Variants in EIF3L observed in about 807,000 individuals in gnomAD.
EIF3L encodes the protein eIEF associated protein HSPC021.
EIF3L carries 32 observed loss-of-function variants against 74.6 expected under a neutral mutation model. The ratio of observed to expected loss-of-function variants is 0.43; its 90% CI spans 0.32 to 0.58. EIF3L has a LOEUF of 0.58. EIF3L is among the 20% of genes least tolerant of loss of function. The pLI, the probability that EIF3L is intolerant of heterozygous loss-of-function variation, is 0.06. For missense variants in EIF3L, 474 were observed against 707.8 expected, an observed-to-expected ratio of 0.67 and a Z score of 3.75; for synonymous variants, 256 against 254.4, an observed-to-expected ratio of 1.01 and a Z score of -0.06.
intron 8 of EIF3L, among the ~76,000 whole-genome samples, chr22:37,872,673 C>T (rs535785935): frequency 2.8e-4 from 42 of 152,204 alleles, no homozygotes; most frequent in African/African-American, 9.1e-4. Flanking sequence ...GGCTGAAGTG[C>T]GGTGGCACAA....
At chr22:37,878,631 T>C (rs921814763) in intron 11 of EIF3L, 4 of 155,144 alleles carry the variant, frequency 2.6e-5, no homozygotes, top group African/African-American at 9.7e-5. Flanking sequence ...GCCCAGCTAA[T>C]TTTGTATTTT....
chr22:37,856,286 A>T (rs1228132571), intron 4 of EIF3L, among the ~76,000 whole-genome samples: 1 of 152,058 alleles, frequency 6.6e-6, no homozygotes, highest in Non-Finnish European at 1.5e-5. Flanking sequence ...CGTGTTGGCC[A>T]GGCTGGTCTC....
At chr22:37,864,191 C>T (rs920752417) in intron 7 of EIF3L, among the ~76,000 whole-genome samples, 11 of 152,174 alleles carry the variant, frequency 7.2e-5, no homozygotes, top group Non-Finnish European at 1.0e-4. Flanking sequence ...TGAGTAGCTG[C>T]CACTACAAGG....
chr22:37,873,541 C>T (rs762342031), intron 8 of EIF3L, among the ~76,000 whole-genome samples: 15 of 152,160 alleles, frequency 9.9e-5, no homozygotes, highest in Non-Finnish European at 1.6e-4. Context: ...GATCTGCCCA[C>T]CTCAGCCTCC....
chr22:37,854,768 G>GT lies in EIF3L; in HGVS notation c.294-794dup, dbSNP rs1441087388. On this transcript the variant is annotated intron_variant, in intron 3 of 12. Transcript: ENST00000652021. The stretch of plus-strand genomic sequence containing the variant: ...GGGTGTGAGCCAGCGCGCCTGGCCT[G>GT]TTTCAGTGTTTCTTTTCTGTTCTGT... Among the ~76,000 whole-genome samples, 3 of 152,212 alleles carry GT rather than the reference G, an allele frequency of 2.0e-5. No homozygotes were observed. In the East Asian group the frequency reaches 5.8e-4, roughly 29 times the overall value.
intron 7 of EIF3L, among the ~76,000 whole-genome samples, chr22:37,866,373 C>G (rs1306950052): frequency 6.6e-6 from 1 of 152,144 alleles, no homozygotes; most frequent in Non-Finnish European, 1.5e-5. Flanking sequence ...CAGTGAATAT[C>G]CATATATATG....
Position 37,877,655 on chromosome 22 carries a change from C to A in EIF3L, c.1078-19C>A. On this transcript the variant is annotated intron_variant, in intron 10 of 12. Coordinates refer to ENST00000652021, the MANE Select transcript of EIF3L (RefSeq NM_016091.4). ...GTCCGTCTCATTTGACCCAGTACCA[C>A]TCTCCACCCCATCCCCAGATTAACA... The A allele has an allele frequency of 6.3e-7, 1 of 1,578,340 alleles. No individual in the cohort carries two copies.
chr22:37,852,073 G>A (rs190130886), intron 3 of EIF3L, among the ~76,000 whole-genome samples: 5 of 152,286 alleles, frequency 3.3e-5, no homozygotes, highest in Non-Finnish European at 2.9e-5. Context: ...CAGAGTGCTA[G>A]GATTACAAGC....
Position 37,855,555 on chromosome 22 carries a change from T to C in EIF3L, c.294-10T>C. Reference sequence around the variant, plus strand: ...TTTGGAATTTTAGAGATTTTTTTCTTGATTTTTAGCTGGACCAAGCTGACT... The same window carrying C: ...TTTGGAATTTTAGAGATTTTTTTCTCGATTTTTAGCTGGACCAAGCTGACT... On this transcript the variant is annotated splice_polypyrimidine_tract_variant and intron_variant, in intron 3 of 12. Transcript: ENST00000652021. 6.2e-7 allele frequency: 1 copy of C among 1,613,718 alleles called. No homozygotes were observed. The highest frequency in any genetic ancestry group is 8.5e-7 in the Non-Finnish European group (1 of 1,179,672).
At chr22:37,873,489 G>C (rs553506841) in intron 8 of EIF3L, among the ~76,000 whole-genome samples, 1 of 151,902 alleles carries the variant, frequency 6.6e-6, no homozygotes, top group Admixed American at 6.6e-5. Context: ...AGTAGAGACG[G>C]GGTTTCACCT....
At chr22:37,858,270 C>T (rs974005571) in intron 4 of EIF3L, among the ~76,000 whole-genome samples, 1 of 132,122 alleles carries the variant, frequency 7.6e-6, no homozygotes, top group African/African-American at 2.9e-5. Flanking sequence ...CTGTGTTGCC[C>T]ATGCTGGAGT....
chr22:37,859,389 T>TTTTTTTTTTC (rs1925726529), intron 5 of EIF3L, among the ~76,000 whole-genome samples: 1 of 136,700 alleles, frequency 7.3e-6, no homozygotes, highest in Admixed American at 7.4e-5. Context: ...TTTTTTTTTT[T>TTTTTTTTTTC]TTTTTTGAGA....
At chr22:37,869,648 C>T (rs73413934) in intron 7 of EIF3L, among the ~76,000 whole-genome samples, 2,713 of 152,178 alleles carry the variant, frequency 0.018, 75 homozygotes, top group African/African-American at 0.058. Context: ...TCTCTGTGTT[C>T]GTTGTGCTTG....
chr22:37,878,217 A>G (rs1379118716), intron 11 of EIF3L, 46 bp downstream of exon 11: 7 of 1,535,500 alleles, frequency 4.6e-6, no homozygotes, highest in Non-Finnish European at 6.1e-6. Context: ...AGTGTTCAGT[A>G]TCTTTCATTC....
intron 4 of EIF3L, among the ~76,000 whole-genome samples, chr22:37,856,769 G>T (rs143050956): frequency 6.6e-6 from 1 of 151,852 alleles, no homozygotes; most frequent in African/African-American, 2.4e-5. Context: ...ACTTGAACCC[G>T]GAAGGCAGAG....
In EIF3L at chr22:37,854,657, G is replaced by C. The variant is rs546912271; in HGVS notation, c.294-908G>C. Among the ~76,000 whole-genome samples, 6 of 152,216 alleles carry C rather than the reference G, an allele frequency of 3.9e-5. No homozygotes were observed. In the East Asian group the frequency reaches 1.2e-3, roughly 29 times the overall value. ...TAATTTTGTATTTTTAGTGGAGACG[G>C]GGTTTCACCGTGTTGGTCAGGCTGG... On this transcript the variant is annotated intron_variant, in intron 3 of 12. Coordinates refer to ENST00000652021, the MANE Select transcript of EIF3L (RefSeq NM_016091.4).
chr22:37,880,100 ATTATT>A (rs1222754275), intron 11 of EIF3L: 1 of 142,566 alleles, frequency 7.0e-6, no homozygotes, highest in Non-Finnish European at 1.5e-5. Flanking sequence ...CGCGCCCGGT[ATTATT>A]TTATTTTTAT....
rs1925985226 is a variant in EIF3L, at chr22:37,863,688, G to A, written c.579+343G>A. 2.6e-5 allele frequency among the ~76,000 whole-genome samples: 4 copies of A among 152,250 alleles called. No individual in the cohort carries two copies. The South Asian group carries it at 8.3e-4, about 32-fold the overall frequency. ...GGTGCTGCCACCTGCTGGTAGCTCTGTAACAGTGATGTGCTATTTAAACTC... is the reference window on the plus strand; with the variant it reads ...GGTGCTGCCACCTGCTGGTAGCTCTATAACAGTGATGTGCTATTTAAACTC... On this transcript the variant is annotated intron_variant, in intron 7 of 12. Coordinates refer to ENST00000652021, the MANE Select transcript of EIF3L (RefSeq NM_016091.4).
chr22:37,867,024 A>G (rs1926187171), intron 7 of EIF3L, among the ~76,000 whole-genome samples: 1 of 152,136 alleles, frequency 6.6e-6, no homozygotes, highest in Non-Finnish European at 1.5e-5. Context: ...GTTTGAGAGC[A>G]ACTGTTGGTT....
Sources: allele counts gnomAD v4.1 joint callset (sites outside exome capture counted in the v4.1 genomes callset), GRCh38; gene constraint gnomAD v4.1.1; transcripts MANE v1.5; gene names NCBI Gene and HGNC (gene_info 2026-07-23, HGNC 2026-07-21).